DLGAP5: variants seen among roughly 807,000 people sequenced by gnomAD.
The protein encoded by DLGAP5 is DLG associated protein 5.
In DLGAP5, 90 loss-of-function variants were observed where a neutral mutation model predicts 99.6. That is an observed-to-expected ratio of 0.90 (90% CI 0.76 to 1.08). The LOEUF is 1.08. DLGAP5 is among the 50% of genes least tolerant of loss of function. DLGAP5 has a pLI of 0.00. For missense variants in DLGAP5, 1,036 were observed against 983.5 expected, an observed-to-expected ratio of 1.05 and a Z score of -0.71; for synonymous variants, 311 against 321.3, an observed-to-expected ratio of 0.97 and a Z score of 0.34.
intron 11 of DLGAP5, among the ~76,000 whole-genome samples, chr14:55,170,099 C>T (rs1882802170): frequency 6.6e-6 from 1 of 151,812 alleles, no homozygotes; most frequent in African/African-American, 2.4e-5. Flanking sequence ...GGCGCCATTG[C>T]ACTCCAGCCT....
intron 4 of DLGAP5, among the ~76,000 whole-genome samples, chr14:55,182,039 G>A (rs1448536392): frequency 6.6e-6 from 1 of 151,972 alleles, no homozygotes; most frequent in Admixed American, 6.6e-5. Context: ...ACAGTATTTT[G>A]AAGACCCGTA....
At position 55,148,454 on chromosome 14, in the gene DLGAP5, T is replaced by A; in HGVS notation, c.2438A>T (p.Asn813Ile). ...TCTCCTCTCCAGCTGAGTAAATGGATTACTGCAGTTTAGACCTGGCTGGAG... is the reference window on the plus strand; with the variant it reads ...TCTCCTCTCCAGCTGAGTAAATGGAATACTGCAGTTTAGACCTGGCTGGAG... Reference protein sequence around the residue: ...LLDSPGLNCSNPFTQLERRHQ... With the variant: ...LLDSPGLNCSIPFTQLERRHQ... The change falls in exon 19 of 19, where the codon AAT becomes ATT. Residue 813 changes from asparagine (N) to isoleucine (I), a missense_variant. By Grantham distance (149) the Asn-to-Ile change is moderately radical. Coordinates refer to ENST00000247191, the MANE Select transcript of DLGAP5 (RefSeq NM_014750.5). 1 of 1,614,088 alleles carries A rather than the reference T, an allele frequency of 6.2e-7. No homozygotes were observed. Among genetic ancestry groups the A allele is most frequent in the Middle Eastern group, 1.7e-4 (1 of 6,060 alleles).
At chr14:55,172,981 CAAAAAAA>C (rs71291818) in intron 10 of DLGAP5, among the ~76,000 whole-genome samples, 120 of 62,114 alleles carry the variant, frequency 1.9e-3, no homozygotes, top group Admixed American at 4.5e-3. Flanking sequence ...GACTCCGTCT[CAAAAAAA>C]AAAAAAAAAA....
chr14:55,177,085 G>C lies in DLGAP5; in HGVS notation c.1026C>G (p.Thr342=). 6.6e-7 allele frequency: 1 copy of C among 1,507,634 alleles called. No homozygotes were observed. The highest frequency in any genetic ancestry group is 8.8e-7 in the Non-Finnish European group (1 of 1,133,438). 93.4% of individuals were successfully genotyped at this position (1,507,634 alleles called of 1,614,324 possible). Residue 342 remains threonine (T), a synonymous_variant, in exon 8 of 19, where the codon ACC becomes ACG. Transcript: ENST00000247191. ...SANAFLTPSY[T]WTPLKTEVDE... is the part of the protein sequence containing the mutation. The stretch of plus-strand genomic sequence containing the variant: ...ACACTTCTGTTTTTAAAGGAGTCCA[G>C]GTGTAACTGGGTGTCAAAAAAGCAT...
chr14:55,180,639 C>A lies in DLGAP5; in HGVS notation c.703+17G>T. ...CAAACATTCTAGTTCAGTCACTGATCAAGGAATAGTTCTCACCATTAGCAG... is the reference window on the plus strand; with the variant it reads ...CAAACATTCTAGTTCAGTCACTGATAAAGGAATAGTTCTCACCATTAGCAG... On this transcript the variant is annotated intron_variant, in intron 6 of 18. Coordinates refer to ENST00000247191, the MANE Select transcript of DLGAP5 (RefSeq NM_014750.5). 2 of 1,613,722 alleles carry A rather than the reference C, an allele frequency of 1.2e-6. No individual in the cohort carries two copies. Among genetic ancestry groups the A allele is most frequent in the Non-Finnish European group, 1.7e-6 (2 of 1,179,778 alleles).
chr14:55,148,962 C>A (rs1168351221), intron 18 of DLGAP5, among the ~76,000 whole-genome samples: 1 of 152,096 alleles, frequency 6.6e-6, no homozygotes, highest in Non-Finnish European at 1.5e-5. Flanking sequence ...ACTTAATAGA[C>A]CTTTTAATAC....
intron 12 of DLGAP5, among the ~76,000 whole-genome samples, chr14:55,165,483 A>G (rs1189259078): frequency 6.6e-6 from 1 of 152,102 alleles, no homozygotes; most frequent in East Asian, 1.9e-4. Flanking sequence ...AGATTGTGCC[A>G]ATGCACTCCA....
intron 7 of DLGAP5, among the ~76,000 whole-genome samples, chr14:55,177,598 C>T (rs1310138752): frequency 1.3e-5 from 2 of 151,266 alleles, no homozygotes; most frequent in African/African-American, 4.9e-5. Context: ...AGTGCAGTCG[C>T]GCGATCTCGG....
At chr14:55,176,847 G>A (rs1431241175) in intron 8 of DLGAP5, among the ~76,000 whole-genome samples, 10 of 151,600 alleles carry the variant, frequency 6.6e-5, no homozygotes, top group African/African-American at 2.2e-4. Context: ...GCGTGGTGAC[G>A]GGCGCCTGTA....
At chr14:55,175,135 A>G (rs1447158582) in intron 10 of DLGAP5, among the ~76,000 whole-genome samples, 1 of 152,174 alleles carries the variant, frequency 6.6e-6, no homozygotes, top group Non-Finnish European at 1.5e-5. Context: ...CACAGTGCTG[A>G]GAAGAAGTCT....
intron 10 of DLGAP5, among the ~76,000 whole-genome samples, chr14:55,171,310 T>A (rs1882849479): frequency 6.6e-6 from 1 of 152,134 alleles, no homozygotes; most frequent in African/African-American, 2.4e-5. Flanking sequence ...TTGGAAATAT[T>A]TTTGATTGTC....
chr14:55,171,205 C>T (rs1410979282), intron 10 of DLGAP5, among the ~76,000 whole-genome samples: 3 of 152,072 alleles, frequency 2.0e-5, no homozygotes, highest in African/African-American at 7.2e-5. Flanking sequence ...AGTGATGGGG[C>T]CTCACAGATC....
chr14:55,181,839 G>A (rs928242458), intron 4 of DLGAP5, among the ~76,000 whole-genome samples: 31 of 151,978 alleles, frequency 2.0e-4, no homozygotes, highest in African/African-American at 7.0e-4. Context: ...TTTTTTAAAT[G>A]CCTTACATGT....
intron 13 of DLGAP5, among the ~76,000 whole-genome samples, chr14:55,162,492 G>A (rs562811295): frequency 2.0e-4 from 30 of 152,062 alleles, no homozygotes; most frequent in South Asian, 1.2e-3. Flanking sequence ...GGTGGCTGGC[G>A]CCTGTATTCC....
At position 55,175,483 on chromosome 14, in the gene DLGAP5, A is replaced by C. The variant is rs1319038692; in HGVS notation, c.1175-11T>G. On this transcript the variant is annotated splice_polypyrimidine_tract_variant and intron_variant, in intron 9 of 18. Coordinates refer to ENST00000247191, the MANE Select transcript of DLGAP5 (RefSeq NM_014750.5). Reference sequence around the variant, plus strand: ...TATTTAAAACATGTTCTATAAATTAAAGAAAATCTTACATATAAATTTCAA... The same window carrying C: ...TATTTAAAACATGTTCTATAAATTACAGAAAATCTTACATATAAATTTCAA... 1 of 1,209,444 alleles carries C rather than the reference A, an allele frequency of 8.3e-7. No individual in the cohort carries two copies. The highest frequency in any genetic ancestry group is 1.2e-6 in the Non-Finnish European group (1 of 850,534). The allele number at this position is 1,209,444 out of a possible 1,614,324, so 74.9% of individuals were successfully genotyped here. A position where few individuals can be genotyped will look rare whatever the true frequency, so the allele number is the denominator to read the frequency against.
chr14:55,190,399 C>T (rs1883573888), intron 1 of DLGAP5, among the ~76,000 whole-genome samples: 1 of 151,778 alleles, frequency 6.6e-6, no homozygotes, highest in Non-Finnish European at 1.5e-5. Context: ...CAAAAGAGGA[C>T]AATAAAGACG....
At position 55,150,809 on chromosome 14, in the gene DLGAP5, A is replaced by G. The variant is rs1375302063; in HGVS notation, c.2408T>C (p.Leu803Pro). The G allele has an allele frequency of 1.9e-6, 3 of 1,577,356 alleles. No homozygotes were observed. The highest frequency in any genetic ancestry group is 1.7e-6 in the Non-Finnish European group (2 of 1,169,124). The change falls in exon 18 of 19, where the codon CTT becomes CCT. Residue 803 changes from leucine (L) to proline (P), a missense_variant. Transcript: ENST00000247191. ...DNKSLTTECHLLDSPGLNCSN... is the reference protein window; with the variant it reads ...DNKSLTTECHPLDSPGLNCSN... Reference sequence around the variant, plus strand: ...AGTTGGAAAACTTACTGAATCAAGAAGGTGGCATTCAGTAGTGAGACTTTT... The same window carrying G: ...AGTTGGAAAACTTACTGAATCAAGAGGGTGGCATTCAGTAGTGAGACTTTT...
At chr14:55,161,653 G>A (rs1882440515) in intron 13 of DLGAP5, among the ~76,000 whole-genome samples, 1 of 151,084 alleles carries the variant, frequency 6.6e-6, no homozygotes, top group African/African-American at 2.4e-5. Flanking sequence ...CAGGTGATCT[G>A]CCCGCCTCAG....
At chr14:55,151,075 T>A (rs925532330) in intron 17 of DLGAP5, among the ~76,000 whole-genome samples, 11 of 152,206 alleles carry the variant, frequency 7.2e-5, no homozygotes, top group Admixed American at 5.2e-4. Flanking sequence ...ACATTAAAGG[T>A]ACCCAGAAAA....
Sources: gnomAD v4.1 joint callset for allele counts (sites outside exome capture counted in the v4.1 genomes callset) on GRCh38, gnomAD v4.1.1 for gene constraint, MANE v1.5 for transcripts, NCBI Gene and HGNC (gene_info 2026-07-23, HGNC 2026-07-21) for gene names.